Variants in NELL1 observed in about 807,000 individuals in gnomAD.
NELL1 encodes neural EGFL like 1.
A neutral mutation model predicts 107.4 loss-of-function variants in NELL1; 76 were observed. The ratio of observed to expected loss-of-function variants is 0.71; its 90% CI spans 0.59 to 0.86. The LOEUF is 0.86. NELL1 is among the 40% of genes least tolerant of loss of function. The probability of loss-of-function intolerance (pLI) is 0.00; values close to 1 mark genes in which losing one functional copy is unlikely to be tolerated. For missense variants in NELL1, 1,024 were observed against 1,005.5 expected (o/e 1.02, Z -0.25); for synonymous variants, 353 against 341.2 (o/e 1.03, Z -0.38).
chr11:20,820,809 T>A (rs1400544566), intron 3 of NELL1, among the ~76,000 whole-genome samples: 1 of 152,218 alleles, frequency 6.6e-6, no homozygotes, highest in African/African-American at 2.4e-5. Flanking sequence ...GAGCCTTCCT[T>A]GATAGCTGTC....
intron 15 of NELL1, among the ~76,000 whole-genome samples, chr11:21,408,901 G>A (rs1852297954): frequency 6.6e-6 from 1 of 151,964 alleles, no homozygotes; most frequent in Non-Finnish European, 1.5e-5. Context: ...ACACCAATTA[G>A]AATGGCAATC....
chr11:20,942,300 C>A (rs1347054843), intron 10 of NELL1, among the ~76,000 whole-genome samples: 1 of 152,160 alleles, frequency 6.6e-6, no homozygotes, highest in Non-Finnish European at 1.5e-5. Flanking sequence ...GCTGGGAATG[C>A]CAGAGATTCC....
intron 14 of NELL1, among the ~76,000 whole-genome samples, chr11:21,259,482 A>G (rs1858850774): frequency 6.6e-6 from 1 of 151,894 alleles, no homozygotes; most frequent in Admixed American, 6.6e-5. Context: ...CTTTTGGAGA[A>G]CAGGATATCA....
chr11:21,190,118 C>T (rs1385776114), intron 13 of NELL1, among the ~76,000 whole-genome samples: 2 of 151,604 alleles, frequency 1.3e-5, no homozygotes, highest in African/African-American at 4.9e-5. Context: ...TTTGGGAGGC[C>T]GAGGTGGGTG....
At chr11:20,699,387 G>A (rs1352250597) in intron 2 of NELL1, among the ~76,000 whole-genome samples, 14 of 151,370 alleles carry the variant, frequency 9.2e-5, no homozygotes, top group Non-Finnish European at 5.9e-5. Flanking sequence ...TTGAGATGGA[G>A]TCTCGCTCTG....
chr11:20,691,457 C>A (rs1854463563), intron 2 of NELL1, among the ~76,000 whole-genome samples: 1 of 152,014 alleles, frequency 6.6e-6, no homozygotes. Flanking sequence ...AGATACGTCC[C>A]ATCAATACCT....
chr11:21,327,342 T>TA (rs201029627), intron 14 of NELL1, among the ~76,000 whole-genome samples: 57 of 147,056 alleles, frequency 3.9e-4, no homozygotes, highest in East Asian at 5.9e-4. Context: ...ACTTAAAGTA[T>TA]AAAAAAAAAA....
chr11:21,269,987 C>T (rs934292124), intron 14 of NELL1, among the ~76,000 whole-genome samples: 58 of 151,776 alleles, frequency 3.8e-4, no homozygotes, highest in African/African-American at 1.2e-3. Flanking sequence ...TAAGGGTATG[C>T]TGGGATTAAT....
chr11:20,903,961 C>T (rs1017779707), intron 5 of NELL1, among the ~76,000 whole-genome samples: 1 of 152,094 alleles, frequency 6.6e-6, no homozygotes, highest in African/African-American at 2.4e-5. Flanking sequence ...CAGTGGCAGT[C>T]CTGAAAGATT....
intron 14 of NELL1, among the ~76,000 whole-genome samples, chr11:21,356,902 T>C (rs1850946916): frequency 6.6e-6 from 1 of 152,188 alleles, no homozygotes. Flanking sequence ...GAACATACGA[T>C]ATTTGGTTTT....
At chr11:21,092,587 C>T (rs1486516371) in intron 12 of NELL1, among the ~76,000 whole-genome samples, 2 of 151,960 alleles carry the variant, frequency 1.3e-5, no homozygotes, top group East Asian at 3.9e-4. Context: ...AAAATTGAGG[C>T]CCATCTGCAT....
chr11:21,178,694 A>G (rs1856761022), intron 13 of NELL1, among the ~76,000 whole-genome samples: 1 of 151,292 alleles, frequency 6.6e-6, no homozygotes, highest in Non-Finnish European at 1.5e-5. Flanking sequence ...AGCCCAAGAG[A>G]TCAAGGTTGC....
chr11:21,220,072 G>C (rs191668752), intron 13 of NELL1, among the ~76,000 whole-genome samples: 1 of 152,286 alleles, frequency 6.6e-6, no homozygotes, highest in African/African-American at 2.4e-5. Flanking sequence ...CTGTCCCCAT[G>C]ATTGAGTCAC....
intron 12 of NELL1, among the ~76,000 whole-genome samples, chr11:21,071,483 G>A (rs1854013855): frequency 6.6e-6 from 1 of 152,116 alleles, no homozygotes; most frequent in Non-Finnish European, 1.5e-5. Flanking sequence ...AATAAATTTT[G>A]AAAAACTACA....
rs11026075 is a variant in NELL1, at chr11:21,413,828, A to G, written c.1645+42880A>G. 4.8e-3 allele frequency among the ~76,000 whole-genome samples: 724 copies of G among 152,208 alleles called. 7 individuals carry two copies. Among genetic ancestry groups the G allele is most frequent in the East Asian group, 0.029 (148 of 5,140 alleles). ...CCATGACCTGTCACAATTTGAATCA[A>G]TCCTTCCAGAGGTAAAATGCAGGCC... On this transcript the variant is annotated intron_variant, in intron 15 of 19. Transcript: ENST00000357134.
At chr11:21,278,226 A>G (rs914714559) in intron 14 of NELL1, among the ~76,000 whole-genome samples, 1 of 152,216 alleles carries the variant, frequency 6.6e-6, no homozygotes, top group Non-Finnish European at 1.5e-5. Flanking sequence ...CCAAATTAGG[A>G]AGAAGGCAAG....
At chr11:20,846,946 G>T (rs1429798) in intron 3 of NELL1, among the ~76,000 whole-genome samples, 1 of 151,944 alleles carries the variant, frequency 6.6e-6, no homozygotes, top group East Asian at 1.9e-4. Context: ...TTTCTTATGG[G>T]TTTGAAAAAC....
intron 4 of NELL1, among the ~76,000 whole-genome samples, chr11:20,853,312 G>A (rs960376225): frequency 3.9e-5 from 6 of 152,222 alleles, no homozygotes; most frequent in African/African-American, 9.6e-5. Flanking sequence ...TTTGCGCTCC[G>A]TGGTTTAATC....
At chr11:21,191,413 C>A (rs1857046204) in intron 13 of NELL1, among the ~76,000 whole-genome samples, 1 of 151,756 alleles carries the variant, frequency 6.6e-6, no homozygotes, top group African/African-American at 2.4e-5. Context: ...AAAAACAAAA[C>A]AAAAGAGATA....
Sources: gnomAD v4.1 joint callset for allele counts (sites outside exome capture counted in the v4.1 genomes callset) on GRCh38, gnomAD v4.1.1 for gene constraint, MANE v1.5 for transcripts, NCBI Gene and HGNC (gene_info 2026-07-23, HGNC 2026-07-21) for gene names.